Variants in OSBP2 observed in about 807,000 individuals in gnomAD.
OSBP2 encodes oxysterol binding protein 2.
A neutral mutation model predicts 96.0 loss-of-function variants in OSBP2; 66 were observed. The observed-to-expected ratio is 0.69, with a 90% CI of 0.56 to 0.84. OSBP2 has a LOEUF of 0.84. Ranked by LOEUF, OSBP2 falls within the 40% of genes least tolerant of loss-of-function variation. OSBP2 has a pLI of 0.00. For missense variants in OSBP2, 1,038 were observed against 1,222.7 expected, an observed-to-expected ratio of 0.85 and a Z score of 2.25; for synonymous variants, 525 against 520.9, an observed-to-expected ratio of 1.01 and a Z score of -0.11.
chr22:30,884,823 G>C (rs909775263), intron 3 of OSBP2, among the ~76,000 whole-genome samples: 2 of 152,188 alleles, frequency 1.3e-5, no homozygotes, highest in Non-Finnish European at 2.9e-5. Flanking sequence ...CCACCCCCCG[G>C]TAGGTGTCAC....
chr22:30,857,826 C>A (rs748974466), intron 2 of OSBP2, among the ~76,000 whole-genome samples: 2 of 152,212 alleles, frequency 1.3e-5, no homozygotes, highest in African/African-American at 2.4e-5. Flanking sequence ...ATCCCCTATT[C>A]ATTTAAGACA....
At chr22:30,876,202 G>C (rs1275906507) in intron 3 of OSBP2, among the ~76,000 whole-genome samples, 1 of 152,258 alleles carries the variant, frequency 6.6e-6, no homozygotes, top group Non-Finnish European at 1.5e-5. Flanking sequence ...TTCCCTTCTG[G>C]GCTGTCATCG....
At chr22:30,839,263 C>G (rs2038698257) in intron 2 of OSBP2, among the ~76,000 whole-genome samples, 2 of 146,130 alleles carry the variant, frequency 1.4e-5, no homozygotes, top group African/African-American at 5.2e-5. Flanking sequence ...GGACATTTGG[C>G]TTGGTTCCAA....
intron 2 of OSBP2, among the ~76,000 whole-genome samples, chr22:30,783,104 T>C (rs1267254046): frequency 6.9e-6 from 1 of 144,150 alleles, no homozygotes; most frequent in African/African-American, 2.6e-5. Context: ...AAAGGCAAAT[T>C]ATTGTGTATA....
intron 2 of OSBP2, among the ~76,000 whole-genome samples, chr22:30,862,998 A>G (rs542350308): frequency 5.9e-5 from 9 of 151,602 alleles, no homozygotes; most frequent in Non-Finnish European, 1.3e-4. Flanking sequence ...AAAATAATCA[A>G]CAGACTTGGG....
intron 3 of OSBP2, among the ~76,000 whole-genome samples, chr22:30,885,584 A>C (rs2039792475): frequency 6.6e-6 from 1 of 152,238 alleles, no homozygotes; most frequent in South Asian, 2.1e-4. Flanking sequence ...TGCCAGTCCC[A>C]CTTCTGCCAG....
At position 30,889,573 on chromosome 22, in the gene OSBP2, C is replaced by T. The variant is rs1257436358; in HGVS notation, c.1560C>T (p.Ser520=). 1 of 1,614,098 alleles carries T rather than the reference C, an allele frequency of 6.2e-7. No homozygotes were observed. Among genetic ancestry groups the T allele is most frequent in the Admixed American group, 1.7e-5 (1 of 60,024 alleles). The change falls in exon 7 of 14, where the codon AGC becomes AGT. Residue 520 remains serine, a synonymous_variant. Transcript: ENST00000332585. The stretch of plus-strand genomic sequence containing the variant: ...GCATTCCCAACAAGCCCAACTACAG[C>T]CTTAACCTCTGGAGCATCATGAAGA... ...RVRIPNKPNY[S]LNLWSIMKNC... is the part of the protein sequence containing the mutation.
chr22:30,836,093 G>C (rs79849508), intron 2 of OSBP2, among the ~76,000 whole-genome samples: 6,787 of 152,212 alleles, frequency 0.045, 341 homozygotes, highest in African/African-American at 0.12. Flanking sequence ...TCTCTCCTCT[G>C]ATCCACTCTA....
chr22:30,901,856 C>A (rs1265191649), intron 12 of OSBP2, among the ~76,000 whole-genome samples: 3 of 152,108 alleles, frequency 2.0e-5, no homozygotes, highest in African/African-American at 7.2e-5. Context: ...GAGTGAAATT[C>A]TGTCCCCCCA....
intron 1 of OSBP2, among the ~76,000 whole-genome samples, chr22:30,704,774 C>T (rs746586388): frequency 1.3e-5 from 2 of 152,036 alleles, no homozygotes; most frequent in Non-Finnish European, 2.9e-5. Context: ...TAAATCACAT[C>T]GTTTGTACAA....
At chr22:30,715,712 TGTCCA>T (rs1316572052) in intron 1 of OSBP2, among the ~76,000 whole-genome samples, 2 of 151,004 alleles carry the variant, frequency 1.3e-5, no homozygotes, top group African/African-American at 2.4e-5. Context: ...CCTGCCACCA[TGTCCA>T]GTTAATTTTT....
At chr22:30,743,097 T>C (rs968529900) in intron 2 of OSBP2, among the ~76,000 whole-genome samples, 2 of 152,224 alleles carry the variant, frequency 1.3e-5, no homozygotes, top group Non-Finnish European at 2.9e-5. Flanking sequence ...CAGACCTATG[T>C]GTTTGTCTGG....
chr22:30,741,397 G>A (rs1415795196), intron 2 of OSBP2, 28 bp downstream of exon 2: 10 of 1,549,208 alleles, frequency 6.5e-6, no homozygotes, highest in Non-Finnish European at 8.8e-6. Context: ...CAGCGGGTGT[G>A]TATATGGTGG....
chr22:30,775,958 G>C (rs945994091), intron 2 of OSBP2, among the ~76,000 whole-genome samples: 1 of 151,666 alleles, frequency 6.6e-6, no homozygotes, highest in Admixed American at 6.6e-5. Context: ...ACCACACCTG[G>C]CTAATTTTTG....
chr22:30,822,917 G>A (rs2038313718), intron 2 of OSBP2, among the ~76,000 whole-genome samples: 1 of 152,242 alleles, frequency 6.6e-6, no homozygotes, highest in East Asian at 1.9e-4. Context: ...GGGCATTTTG[G>A]AGAGGGGGCT....
At chr22:30,726,792 T>C (rs903454000) in intron 1 of OSBP2, among the ~76,000 whole-genome samples, 13 of 152,176 alleles carry the variant, frequency 8.5e-5, no homozygotes, top group Non-Finnish European at 1.9e-4. Context: ...AGGGAAACTT[T>C]AAATGGCAAA....
intron 2 of OSBP2, among the ~76,000 whole-genome samples, chr22:30,778,430 T>G (rs941983715): frequency 6.6e-6 from 1 of 152,130 alleles, no homozygotes; most frequent in African/African-American, 2.4e-5. Context: ...TGTCACTTTC[T>G]GCTTTTGCTT....
rs136305 is a variant in OSBP2 at position 30,781,142 on chromosome 22, A to AT, written c.853+39792dup. Among the ~76,000 whole-genome samples, 1,030 of 133,668 alleles carry AT rather than the reference A, an allele frequency of 7.7e-3. 3 individuals carry two copies. The highest frequency in any genetic ancestry group is 0.029 in the East Asian group (131 of 4,562). The allele number at this position is 133,668 out of a possible 152,430, so 87.7% of individuals were successfully genotyped here. A position where few individuals can be genotyped will look rare whatever the true frequency, so the allele number is the denominator to read the frequency against. ...AGGCATCCGCCACCATGCCTGGCTAATTTTTTTTTTTTTTTTTTTAGTAGC... is the reference window on the plus strand; with the variant it reads ...AGGCATCCGCCACCATGCCTGGCTAATTTTTTTTTTTTTTTTTTTTAGTAGC... On this transcript the variant is annotated intron_variant, in intron 2 of 13. Coordinates refer to ENST00000332585, the MANE Select transcript of OSBP2 (RefSeq NM_030758.4).
At chr22:30,737,460 C>T (rs897628348) in intron 1 of OSBP2, among the ~76,000 whole-genome samples, 7 of 151,284 alleles carry the variant, frequency 4.6e-5, no homozygotes, top group African/African-American at 1.7e-4. Flanking sequence ...GTAGCTGGGA[C>T]TACAGGCGCA....
Sources: gnomAD v4.1 joint callset for allele counts (sites outside exome capture counted in the v4.1 genomes callset) on GRCh38, gnomAD v4.1.1 for gene constraint, MANE v1.5 for transcripts, NCBI Gene and HGNC (gene_info 2026-07-23, HGNC 2026-07-21) for gene names.